SPIN1: variants seen among roughly 807,000 people sequenced by gnomAD.
SPIN1 encodes spindlin 1.
In SPIN1, 3 loss-of-function variants were observed where a neutral mutation model predicts 26.0. The ratio of observed to expected loss-of-function variants is 0.12; its 90% CI spans 0.05 to 0.30. The LOEUF is 0.30. SPIN1 is among the 10% of genes least tolerant of loss of function. SPIN1 has a pLI of 1.00. For synonymous variants in SPIN1, 101 were observed against 116.5 expected (o/e 0.87, Z 0.86); for missense variants, 126 against 333.4 (o/e 0.38, Z 4.84).
chr9:88,445,749 G>A (rs73500299), intron 2 of SPIN1, among the ~76,000 whole-genome samples: 10,433 of 151,468 alleles, frequency 0.069, 1,138 homozygotes, highest in African/African-American at 0.23. Flanking sequence ...ATGTTGGCCA[G>A]GCTGGTCTTA....
chr9:88,451,489 G>C (rs138335402), intron 3 of SPIN1, among the ~76,000 whole-genome samples: 3,697 of 152,256 alleles, frequency 0.024, 157 homozygotes, highest in African/African-American at 0.083. Context: ...GGTGAAACTG[G>C]TGGATACACC....
Sources: gnomAD v4.1 joint callset for allele counts (sites outside exome capture counted in the v4.1 genomes callset) on GRCh38, gnomAD v4.1.1 for gene constraint, MANE v1.5 for transcripts, NCBI Gene and HGNC (gene_info 2026-07-23, HGNC 2026-07-21) for gene names.